The following FARS2 variants were observed in gnomAD, a reference collection of about 807,000 sequenced individuals.
FARS2 encodes the protein phenylalanine--tRNA ligase, mitochondrial.
A neutral mutation model predicts 46.4 loss-of-function variants in FARS2; 40 were observed. That is an observed-to-expected ratio of 0.86 (90% CI 0.67 to 1.12). The LOEUF (loss-of-function observed/expected upper bound fraction) is 1.12, where lower values mean the gene tolerates loss of function less well. Among genes scored for constraint, FARS2 ranks in the 50% most tolerant of loss-of-function variants. The pLI is 0.00. For synonymous variants in FARS2, 234 were observed against 214.9 expected, an observed-to-expected ratio of 1.09 and a Z score of -0.78; for missense variants, 513 against 567.9, an observed-to-expected ratio of 0.90 and a Z score of 0.98.
At chr6:5,326,580 C>A (rs892524767) in intron 1 of FARS2, among the ~76,000 whole-genome samples, 1 of 152,196 alleles carries the variant, frequency 6.6e-6, no homozygotes, top group Non-Finnish European at 1.5e-5. Context: ...ACTGAGTGGC[C>A]TGGGGCTCCC....
At chr6:5,289,825 G>A (rs1010358745) in intron 1 of FARS2, among the ~76,000 whole-genome samples, 9 of 152,298 alleles carry the variant, frequency 5.9e-5, no homozygotes, top group East Asian at 5.8e-4. Context: ...TGGTTCTTTT[G>A]TTACTTGGGC....
intron 6 of FARS2, among the ~76,000 whole-genome samples, chr6:5,689,372 G>GC (rs1418819167): frequency 6.6e-6 from 1 of 151,962 alleles, no homozygotes; most frequent in Non-Finnish European, 1.5e-5. Flanking sequence ...TGCTTTGAAT[G>GC]CGTCCCAGAG....
At chr6:5,474,663 GT>G (rs760857089) in intron 4 of FARS2, among the ~76,000 whole-genome samples, 1,730 of 133,902 alleles carry the variant, frequency 0.013, 24 homozygotes, top group African/African-American at 0.045. Flanking sequence ...ATACAGTACT[GT>G]TTTTTTTTTT....
In FARS2 at chr6:5,631,274, G is replaced by T. The variant is rs1776280341; in HGVS notation, c.1217+17954G>T. 2.0e-5 allele frequency among the ~76,000 whole-genome samples: 3 copies of T among 152,150 alleles called. No individual in the cohort carries two copies. The South Asian group carries it at 6.2e-4, about 32-fold the overall frequency. The stretch of plus-strand genomic sequence containing the variant: ...CTTAGTTTTGGGATTCCTACTGCAG[G>T]AGAATCTATTTAAATATGAATCCCA... On this transcript the variant is annotated intron_variant, in intron 6 of 6. Transcript: ENST00000274680.
chr6:5,382,128 G>A (rs6937372), intron 2 of FARS2, among the ~76,000 whole-genome samples: 33,777 of 152,092 alleles, frequency 0.22, 4,710 homozygotes, highest in East Asian at 0.41. Flanking sequence ...ATTCTTTAAG[G>A]TTTATGAGCT....
chr6:5,761,549 T>C (rs1184371534), intron 6 of FARS2, among the ~76,000 whole-genome samples: 1 of 152,206 alleles, frequency 6.6e-6, no homozygotes. Flanking sequence ...GTCGACACGA[T>C]TGGGAGGCTG....
rs574403919 is a variant in FARS2, at chr6:5,546,955, T to TTA, written c.1065+1617_1065+1618dup. Reference sequence around the variant, plus strand: ...TTATTTTATTTTATTTTATTTTATTTTATTTATTTATTTTGAGACGGAGAC... The same window carrying TTA: ...TTATTTTATTTTATTTTATTTTATTTTATATTTATTTATTTTGAGACGGAGAC... On this transcript the variant is annotated intron_variant, in intron 5 of 6. Transcript: ENST00000274680. Among the ~76,000 whole-genome samples the TTA allele has an allele frequency of 9.5e-4, 144 of 152,054 alleles. 1 individual carries two copies. The highest frequency in any genetic ancestry group is 3.2e-3 in the African/African-American group (132 of 41,492).
At chr6:5,621,612 A>T (rs1775780780) in intron 6 of FARS2, among the ~76,000 whole-genome samples, 1 of 152,142 alleles carries the variant, frequency 6.6e-6, no homozygotes, top group South Asian at 2.1e-4. Flanking sequence ...TTTACCAAGG[A>T]AACCGAATAG....
intron 1 of FARS2, among the ~76,000 whole-genome samples, chr6:5,340,798 G>A (rs1771499815): frequency 6.6e-6 from 1 of 152,068 alleles, no homozygotes. Context: ...TGAATTGGCT[G>A]TTGCGGGGAG....
chr6:5,511,919 C>G (rs926722245), intron 4 of FARS2, among the ~76,000 whole-genome samples: 6 of 152,200 alleles, frequency 3.9e-5, no homozygotes, highest in African/African-American at 1.4e-4. Context: ...ATTCATTAAT[C>G]AGAACTTTTC....
chr6:5,657,653 G>C (rs1582686682), intron 6 of FARS2, among the ~76,000 whole-genome samples: 1 of 152,336 alleles, frequency 6.6e-6, no homozygotes, highest in Middle Eastern at 3.4e-3. Flanking sequence ...AGATGTATAT[G>C]CATTTAGCTA....
At position 5,508,399 on chromosome 6, in the gene FARS2, T is replaced by A. The variant is rs1021917478; in HGVS notation, c.905-36781T>A. Among the ~76,000 whole-genome samples, 3 of 152,362 alleles carry A rather than the reference T, an allele frequency of 2.0e-5. No homozygotes were observed. The South Asian group carries it at 6.2e-4, about 32-fold the overall frequency. ...CATTGGAATCTATAAGATGAGCAGA[T>A]AATTCAGCAAGAAACAAGCTCAAGT... On this transcript the variant is annotated intron_variant, in intron 4 of 6. Coordinates refer to ENST00000274680, the MANE Select transcript of FARS2 (RefSeq NM_006567.5).
rs183949611 is a variant in FARS2, at chr6:5,618,439, T to C, written c.1217+5119T>C. Among the ~76,000 whole-genome samples the C allele has an allele frequency of 7.2e-5, 11 of 152,314 alleles. No individual in the cohort carries two copies. The East Asian group carries it at 2.1e-3, about 29-fold the overall frequency. On this transcript the variant is annotated intron_variant, in intron 6 of 6. Transcript: ENST00000274680. ...TGCAAAAGAGCGCCGACCCTTTCTT[T>C]GCCTAACATCAAAGCATGCTTAAGT...
intron 6 of FARS2, among the ~76,000 whole-genome samples, chr6:5,640,139 GGT>G (rs3057207): frequency 0.037 from 5,608 of 149,616 alleles, 230 homozygotes; most frequent in African/African-American, 0.11. Context: ...ACTTTTGTCA[GGT>G]GTGTGTGTGT....
chr6:5,368,506 C>T lies in FARS2; in HGVS notation c.-21-44C>T, dbSNP rs1408437481. 6 of 1,523,166 alleles carry T rather than the reference C, an allele frequency of 3.9e-6. No individual in the cohort carries two copies. The African/African-American group carries it at 4.1e-5, about 11-fold the overall frequency. 94.4% of individuals were successfully genotyped at this position (1,523,166 alleles called of 1,614,324 possible). Reference sequence around the variant, plus strand: ...ATGCAAAGAACACACTTGCTTTCCACAGAGTGACACCTGACTTGTGCTTTG... The same window carrying T: ...ATGCAAAGAACACACTTGCTTTCCATAGAGTGACACCTGACTTGTGCTTTG... On this transcript the variant is annotated intron_variant, in intron 1 of 6. Transcript: ENST00000274680.
chr6:5,350,854 G>T (rs1757531664), intron 1 of FARS2, among the ~76,000 whole-genome samples: 1 of 152,194 alleles, frequency 6.6e-6, no homozygotes, highest in African/African-American at 2.4e-5. Context: ...ATGTTCAAAT[G>T]AAAAGTTTCA....
At chr6:5,370,129 G>T (rs769643995) in intron 2 of FARS2, among the ~76,000 whole-genome samples, 2 of 152,306 alleles carry the variant, frequency 1.3e-5, no homozygotes, top group East Asian at 1.9e-4. Context: ...TAAGCTAAAT[G>T]AGTTATTAAT....
intron 5 of FARS2, among the ~76,000 whole-genome samples, chr6:5,580,900 C>T (rs1773291917): frequency 6.6e-6 from 1 of 152,150 alleles, no homozygotes; most frequent in African/African-American, 2.4e-5. Flanking sequence ...CATAGGTTGC[C>T]AAAAACCACA....
chr6:5,287,791 G>A (rs1038325182), intron 1 of FARS2, among the ~76,000 whole-genome samples: 3 of 152,054 alleles, frequency 2.0e-5, no homozygotes, highest in Admixed American at 6.5e-5. Context: ...AAGATGCGGA[G>A]CTCTTCTTCA....
Sources: allele counts gnomAD v4.1 joint callset (sites outside exome capture counted in the v4.1 genomes callset), GRCh38; gene constraint gnomAD v4.1.1; transcripts MANE v1.5; gene names NCBI Gene and HGNC (gene_info 2026-07-23, HGNC 2026-07-21).